UNK: variants seen among roughly 807,000 people sequenced by gnomAD.
UNK encodes the protein unk zinc finger.
In UNK, 32 loss-of-function variants were observed where a neutral mutation model predicts 97.6. The ratio of observed to expected loss-of-function variants is 0.33; its 90% CI spans 0.25 to 0.44. The LOEUF (loss-of-function observed/expected upper bound fraction) is 0.44, where lower values mean the gene tolerates loss of function less well. Among genes scored for constraint, UNK ranks in the 20% least tolerant of loss-of-function variants. UNK has a pLI of 1.00. For synonymous variants in UNK, 441 were observed against 461.2 expected, an observed-to-expected ratio of 0.96 and a Z score of 0.56; for missense variants, 771 against 1,098.4, an observed-to-expected ratio of 0.70 and a Z score of 4.21.
chr17:75,794,006 G>A (rs539629156), intron 1 of UNK: 23 of 985,172 alleles, frequency 2.3e-5, no homozygotes, highest in Non-Finnish European at 2.7e-5. Flanking sequence ...GTTAAGAGGT[G>A]CCAGGCATCT....
intron 1 of UNK, 94 bp from the exon 2 acceptor site, chr17:75,809,666 G>A: frequency 1.5e-6 from 2 of 1,341,336 alleles, no homozygotes; most frequent in Admixed American, 2.0e-5. Context: ...CCCAGAGCAG[G>A]GCCCTCAGGG....
chr17:75,806,262 G>A (rs1026891185), intron 1 of UNK, among the ~76,000 whole-genome samples: 2 of 148,026 alleles, frequency 1.4e-5, no homozygotes, highest in African/African-American at 5.0e-5. Context: ...AAGACCATCT[G>A]GCTAACATGG....
At position 75,816,890 on chromosome 17, in the gene UNK, C is replaced by T; in HGVS notation, c.1082C>T (p.Pro361Leu). 3.1e-6 allele frequency: 5 copies of T among 1,605,402 alleles called. No individual in the cohort carries two copies. The highest frequency in any genetic ancestry group is 4.2e-6 in the Non-Finnish European group (5 of 1,179,144). Residue 361 changes from proline (P) to leucine (L), a missense_variant, in exon 8 of 16, where the codon CCG becomes CTG. Around this residue, in one of 5 missense-constraint regions of UNK, gnomAD observed 192 missense variants for 202.4 expected, o/e 0.95. Transcript: ENST00000589666. The surrounding 1 kb of genome is among the most constrained non-coding windows in gnomAD (Gnocchi z 4.0). ...TCGGTGCCTGTGAGCCCCTCCAGCC[C>T]GCATGCCCCTGACCTCAGTGCCGTA... ...GDSVPVSPSSPHAPDLSALLC... is the reference protein window; with the variant it reads ...GDSVPVSPSSLHAPDLSALLC...
chr17:75,808,838 C>T (rs1286990215), intron 1 of UNK: 5 of 152,246 alleles, frequency 3.3e-5, no homozygotes, highest in Admixed American at 3.3e-4. Context: ...AACCTAGACA[C>T]ATGTAGCAAA....
chr17:75,815,112 G>C (rs1038672652), intron 6 of UNK, 57 bp from the exon 7 acceptor site: 7 of 1,532,006 alleles, frequency 4.6e-6, no homozygotes, highest in Middle Eastern at 1.7e-4. Context: ...AGGAAGGGGA[G>C]CCTGCCCGGC....
chr17:75,823,530 C>T lies in UNK; in HGVS notation c.2277+8C>T. 1 of 1,540,328 alleles carries T rather than the reference C, an allele frequency of 6.5e-7. No individual in the cohort carries two copies. The highest frequency in any genetic ancestry group is 8.8e-7 in the Non-Finnish European group (1 of 1,137,106). On this transcript the variant is annotated splice_region_variant and intron_variant, in intron 15 of 15. Coordinates refer to ENST00000589666, the MANE Select transcript of UNK (RefSeq NM_001080419.3). The stretch of plus-strand genomic sequence containing the variant: ...CTGGAACAAGTGGACAAGGTCAGCC[C>T]AGGTCGGGGAGCACTGGGTGGGATG...
Position 75,813,884 on chromosome 17 carries a change from C to T in UNK, c.876+6C>T, listed in dbSNP as rs545965253. On this transcript the variant is annotated splice_donor_region_variant and intron_variant, in intron 6 of 15. Transcript: ENST00000589666. ...AGCAGCAGTTCCACCCCGAGGTGGGCCCCACAGCAGGGTGGGGGGGTGGCT... is the reference window on the plus strand; with the variant it reads ...AGCAGCAGTTCCACCCCGAGGTGGGTCCCACAGCAGGGTGGGGGGGTGGCT... 2.4e-5 allele frequency: 37 copies of T among 1,567,794 alleles called. No individual in the cohort carries two copies. Among genetic ancestry groups the T allele is most frequent in the Non-Finnish European group, 3.1e-5 (36 of 1,157,254 alleles).
At position 75,800,083 on chromosome 17, in the gene UNK, CTTTT is replaced by C. The variant is rs1008314016; in HGVS notation, c.105-9676_105-9673del. Among the ~76,000 whole-genome samples the C allele has an allele frequency of 8.5e-5, 13 of 152,288 alleles. 1 individual carries two copies. The South Asian group carries it at 1.0e-3, about 12-fold the overall frequency. On this transcript the variant is annotated intron_variant, in intron 1 of 15. Transcript: ENST00000589666. ...ACAAGGTAAGAATTGTTTTCACTTT[CTTTT>C]GAGACAGGTCTCAGTCTATCCTCCT...
chr17:75,820,258 G>A, intron 13 of UNK, 150 bp downstream of exon 13: 2 of 821,046 alleles, frequency 2.4e-6, no homozygotes, highest in Non-Finnish European at 3.7e-6. Context: ...ATTCCTGTCT[G>A]TGTGACCCTG....
chr17:75,794,685 A>G (rs2061790656), intron 1 of UNK, among the ~76,000 whole-genome samples: 1 of 151,966 alleles, frequency 6.6e-6, no homozygotes, highest in Admixed American at 6.6e-5. Context: ...GGTAGTTAAG[A>G]GTACTGACTC....
chr17:75,819,708 T>A lies in UNK; in HGVS notation c.1571T>A (p.Leu524Gln). The change falls in exon 12 of 16, where the codon CTG becomes CAG. Residue 524 changes from leucine to glutamine, a missense_variant. This residue lies in a region of UNK where 91 missense variants were observed against 173.1 expected (regional missense o/e 0.53). Coordinates refer to ENST00000589666, the MANE Select transcript of UNK (RefSeq NM_001080419.3). This position sits in a 1 kb window ranked among gnomAD's most constrained non-coding sequence, Gnocchi z 5.4. ...GAGTCTGCTTTGGATGACCTGGACC[T>A]GAATGAGTTTGGCGTGGCCGCCCTG... ...VIESALDDLD[L>Q]NEFGVAALEK... The A allele has an allele frequency of 6.2e-7, 1 of 1,613,862 alleles. No individual in the cohort carries two copies. The highest frequency in any genetic ancestry group is 8.5e-7 in the Non-Finnish European group (1 of 1,179,894).
Position 75,820,086 on chromosome 17 carries a change from C to T in UNK, c.1815C>T (p.Thr605=). ...LSQSENTFLG[T]SASHGSLGLN... ...AGTCGGAAAACACATTTTTGGGAAC[C>T]TCAGCATCACATGGATCTTTGGGTA... The change falls in exon 13 of 16, where the codon ACC becomes ACT. Residue 605 remains threonine, a synonymous_variant. Coordinates refer to ENST00000589666, the MANE Select transcript of UNK (RefSeq NM_001080419.3). The T allele has an allele frequency of 2.5e-6, 4 of 1,612,400 alleles. No homozygotes were observed. The highest frequency in any genetic ancestry group is 3.4e-6 in the Non-Finnish European group (4 of 1,179,070).
At position 75,823,291 on chromosome 17, in the gene UNK, G is replaced by A. The variant is rs750986537; in HGVS notation, c.2046G>A (p.Ala682=). The A allele has an allele frequency of 1.3e-5, 21 of 1,606,316 alleles. No individual in the cohort carries two copies. Among genetic ancestry groups the A allele is most frequent in the Middle Eastern group, 1.7e-4 (1 of 5,856 alleles). Residue 682 remains alanine (A), a synonymous_variant, in exon 15 of 16, where the codon GCG becomes GCA. Transcript: ENST00000589666. Reference sequence around the variant, plus strand: ...CTTGTGATGCCTGGAAGAAAGAGGCGGAGGAGGCTGGTGAGCGGGCCAGTG... The same window carrying A: ...CTTGTGATGCCTGGAAGAAAGAGGCAGAGGAGGCTGGTGAGCGGGCCAGTG... ...KQACDAWKKE[A]EEAGERASAA...
chr17:75,790,494 T>TG (rs1213401859), intron 1 of UNK, among the ~76,000 whole-genome samples: 1 of 151,676 alleles, frequency 6.6e-6, no homozygotes, highest in Non-Finnish European at 1.5e-5. Context: ...GAGCCTGGTG[T>TG]GGTGGTGTGC....
Position 75,817,298 on chromosome 17 carries a change from G to T in UNK, c.1105-28G>T. On this transcript the variant is annotated intron_variant, in intron 8 of 15. Transcript: ENST00000589666. The surrounding 1 kb of genome is among the most constrained non-coding windows in gnomAD (Gnocchi z 5.8). ...GCACCAGCCTGCGCTGTGCCCACGG[G>T]CCCACTCCCTCCCCTCCTTCTCCGC... 1.3e-6 allele frequency: 2 copies of T among 1,541,904 alleles called. No individual in the cohort carries two copies. Among genetic ancestry groups the T allele is most frequent in the Non-Finnish European group, 8.8e-7 (1 of 1,142,690 alleles).
At chr17:75,790,290 C>G (rs1406830061) in intron 1 of UNK, among the ~76,000 whole-genome samples, 1 of 152,044 alleles carries the variant, frequency 6.6e-6, no homozygotes, top group Non-Finnish European at 1.5e-5. Flanking sequence ...GAGCCAGACT[C>G]CATCTCAAGG....
Position 75,817,183 on chromosome 17 carries a change from T to A in UNK, c.1105-143T>A. The stretch of plus-strand genomic sequence containing the variant: ...CCCCTTTCCTTCGTGAGCTTCGGGC[T>A]CCCCGAGTGGTCACTGCTGCTCGTT... On this transcript the variant is annotated intron_variant, in intron 8 of 15. Transcript: ENST00000589666. This position sits in a 1 kb window ranked among gnomAD's most constrained non-coding sequence, Gnocchi z 5.8. The A allele has an allele frequency of 9.3e-7, 1 of 1,074,134 alleles. No individual in the cohort carries two copies. Among genetic ancestry groups the A allele is most frequent in the Non-Finnish European group, 1.3e-6 (1 of 768,616 alleles). 66.5% of individuals were successfully genotyped at this position (1,074,134 alleles called of 1,614,324 possible).
intron 1 of UNK, among the ~76,000 whole-genome samples, chr17:75,796,280 A>G (rs570132417): frequency 1.3e-5 from 2 of 151,156 alleles, no homozygotes; most frequent in South Asian, 2.1e-4. Context: ...CCACATCTCT[A>G]TAGCTGTGTA....
chr17:75,817,303 CT>C lies in UNK; in HGVS notation c.1105-22del. Reference sequence around the variant, plus strand: ...AGCCTGCGCTGTGCCCACGGGCCCACTCCCTCCCCTCCTTCTCCGCAGCTCC... The same window carrying C: ...AGCCTGCGCTGTGCCCACGGGCCCACCCCTCCCCTCCTTCTCCGCAGCTCC... On this transcript the variant is annotated intron_variant, in intron 8 of 15. Transcript: ENST00000589666. The surrounding 1 kb of genome is among the most constrained non-coding windows in gnomAD (Gnocchi z 5.8). 6 of 1,545,788 alleles carry C rather than the reference CT, an allele frequency of 3.9e-6. No individual in the cohort carries two copies. The highest frequency in any genetic ancestry group is 5.2e-6 in the Non-Finnish European group (6 of 1,144,028).
Sources: allele counts gnomAD v4.1 joint callset (sites outside exome capture counted in the v4.1 genomes callset), GRCh38; gene constraint gnomAD v4.1.1; regional missense constraint gnomAD v4.1.1; non-coding constraint Gnocchi (gnomAD v3.1); transcripts MANE v1.5; gene names NCBI Gene and HGNC (gene_info 2026-07-23, HGNC 2026-07-21).